TRAF2: variants seen among roughly 807,000 people sequenced by gnomAD.
The protein encoded by TRAF2 is TNF receptor-associated factor 2.
Under a neutral mutation model 55.6 loss-of-function variants are expected in TRAF2, and 6 were observed. That is an observed-to-expected ratio of 0.11 (90% CI 0.06 to 0.21). TRAF2 has a LOEUF of 0.21. TRAF2 is among the 10% of genes least tolerant of loss of function. The probability of loss-of-function intolerance (pLI) is 1.00; values close to 1 mark genes in which losing one functional copy is unlikely to be tolerated. For synonymous variants in TRAF2, 329 were observed against 276.3 expected (o/e 1.19, Z -1.89); for missense variants, 561 against 684.5 (o/e 0.82, Z 2.01).
In TRAF2 at chr9:136,926,076, C is replaced by A; in HGVS notation, c.*175C>A. The A allele has an allele frequency of 1.2e-6, 1 of 830,216 alleles. No individual in the cohort carries two copies. The highest frequency in any genetic ancestry group is 2.1e-6 in the Non-Finnish European group (1 of 483,628). 51.4% of individuals were successfully genotyped at this position (830,216 alleles called of 1,614,324 possible). A position where few individuals can be genotyped will look rare whatever the true frequency, so the allele number is the denominator to read the frequency against. On this transcript the variant is annotated 3_prime_UTR_variant, in exon 11 of 11. Coordinates refer to ENST00000247668, the MANE Select transcript of TRAF2 (RefSeq NM_021138.4). ...TGTCACGGGGGAAGGAGCCACCAGC[C>A]AGTCCTCAGATTTCAGAGACTGCGG...
At chr9:136,919,280 G>A (rs543140971) in intron 7 of TRAF2, among the ~76,000 whole-genome samples, 2 of 142,084 alleles carry the variant, frequency 1.4e-5, no homozygotes, top group East Asian at 4.2e-4. Context: ...AGGCTTCTCT[G>A]GAACTTGTGG....
chr9:136,925,836 A>G lies in TRAF2; in HGVS notation c.1441A>G (p.Lys481Glu), dbSNP rs1333654215. ...CTGCCCCGTCTCCAAGATGGAGGCA[A>G]AGAATTCCTACGTGCGGGACGATGC... is the stretch of plus-strand genomic sequence containing the variant. Reference protein sequence around the residue: ...LFCPVSKMEAKNSYVRDDAIF... With the variant: ...LFCPVSKMEAENSYVRDDAIF... The change falls in exon 11 of 11, where the codon AAG becomes GAG. Residue 481 changes from lysine to glutamate, a missense_variant. Lys to Glu is a moderately conservative substitution (Grantham distance 56). Coordinates refer to ENST00000247668, the MANE Select transcript of TRAF2 (RefSeq NM_021138.4). 1 of 1,614,246 alleles carries G rather than the reference A, an allele frequency of 6.2e-7. No individual in the cohort carries two copies. The highest frequency in any genetic ancestry group is 8.5e-7 in the Non-Finnish European group (1 of 1,180,038).
At position 136,895,104 on chromosome 9, in the gene TRAF2, A is replaced by C. The variant is rs118185801; in HGVS notation, c.-28-3609A>C. ...GCAACCGGGGCAGAGGTGAGAGGAGAAGGGCCTCAGCAGTGTTCTGGCCTT... is the reference window on the plus strand; with the variant it reads ...GCAACCGGGGCAGAGGTGAGAGGAGCAGGGCCTCAGCAGTGTTCTGGCCTT... On this transcript the variant is annotated intron_variant, in intron 1 of 10. Coordinates refer to ENST00000247668, the MANE Select transcript of TRAF2 (RefSeq NM_021138.4). Among the ~76,000 whole-genome samples, 265 of 152,220 alleles carry C rather than the reference A, an allele frequency of 1.7e-3. 13 individuals are homozygous for C. In the East Asian group the frequency reaches 0.045, roughly 26 times the overall value.
At chr9:136,920,690 A>G (rs1360870339) in intron 8 of TRAF2, among the ~76,000 whole-genome samples, 175 bp downstream of exon 8, 1 of 152,146 alleles carries the variant, frequency 6.6e-6, no homozygotes, top group African/African-American at 2.4e-5. Flanking sequence ...TTCATTTCTG[A>G]GTCCTGTCAT....
upstream of TRAF2, among the ~76,000 whole-genome samples, chr9:136,883,942 A>G (rs1430908061): frequency 1.3e-5 from 2 of 150,032 alleles, no homozygotes; most frequent in Non-Finnish European, 3.0e-5. Context: ...CTGCCTACTC[A>G]GTCTCCTGAG....
intron 7 of TRAF2, among the ~76,000 whole-genome samples, chr9:136,917,905 C>T (rs951886144): frequency 4.6e-5 from 7 of 152,086 alleles, no homozygotes; most frequent in East Asian, 1.9e-4. Context: ...CTGCCGCCAC[C>T]GTGCTCCTTG....
chr9:136,893,114 A>G (rs567916932), intron 1 of TRAF2, among the ~76,000 whole-genome samples: 2 of 152,224 alleles, frequency 1.3e-5, no homozygotes, highest in East Asian at 3.9e-4. Context: ...GCTGGTATGC[A>G]TCTGTGAGCT....
chr9:136,917,958 G>A (rs541375177), intron 7 of TRAF2, among the ~76,000 whole-genome samples: 20 of 152,134 alleles, frequency 1.3e-4, no homozygotes, highest in African/African-American at 3.6e-4. Flanking sequence ...AGAACACAGC[G>A]TGAGTCTGTG....
At chr9:136,924,953 G>A (rs986733653) in intron 10 of TRAF2, among the ~76,000 whole-genome samples, 2 of 152,206 alleles carry the variant, frequency 1.3e-5, no homozygotes, top group Non-Finnish European at 2.9e-5. Context: ...TGGCCAGGCT[G>A]GTCTTGATCT....
At chr9:136,917,442 G>A (rs1453464644) in intron 7 of TRAF2, among the ~76,000 whole-genome samples, 1 of 152,192 alleles carries the variant, frequency 6.6e-6, no homozygotes, top group African/African-American at 2.4e-5. Flanking sequence ...CCCCTCTGTC[G>A]CCAGCACCTC....
intron 10 of TRAF2, among the ~76,000 whole-genome samples, chr9:136,925,251 G>T (rs1850500653): frequency 6.6e-6 from 1 of 152,230 alleles, no homozygotes; most frequent in Non-Finnish European, 1.5e-5. Flanking sequence ...CAGGTTCACA[G>T]TCCTGACAGA....
rs17250386 is a variant in TRAF2 at position 136,908,818 on chromosome 9, C to T, written c.528+587C>T. The stretch of plus-strand genomic sequence containing the variant: ...CCAGGAGGCGGAGCTTGCAGTGAGC[C>T]GAGATTGCGCCACTGCACTCCAGCC... On this transcript the variant is annotated intron_variant, in intron 5 of 10. Transcript: ENST00000247668. 1.5e-4 allele frequency among the ~76,000 whole-genome samples: 21 copies of T among 143,820 alleles called. No homozygotes were observed. In the East Asian group the frequency reaches 2.3e-3, roughly 16 times the overall value. The allele number at this position is 143,820 out of a possible 152,430, so 94.4% of individuals were successfully genotyped here. A position where few individuals can be genotyped will look rare whatever the true frequency, so the allele number is the denominator to read the frequency against.
intron 1 of TRAF2, among the ~76,000 whole-genome samples, chr9:136,887,932 C>A (rs1360582057): frequency 1.3e-5 from 2 of 151,900 alleles, no homozygotes; most frequent in Non-Finnish European, 2.9e-5. Context: ...TGCAGTGGCT[C>A]GATCTCGGCT....
chr9:136,885,284 G>T (rs1324100195), upstream of TRAF2, among the ~76,000 whole-genome samples: 1 of 152,194 alleles, frequency 6.6e-6, no homozygotes, highest in African/African-American at 2.4e-5. Flanking sequence ...ATGCTTGGAG[G>T]AGACTTACCT....
rs988572547 is a variant in TRAF2, at chr9:136,900,308, C to T, written c.268-114C>T. 7 of 649,290 alleles carry T rather than the reference C, an allele frequency of 1.1e-5. No homozygotes were observed. In the Admixed American group the frequency reaches 1.2e-4, roughly 11 times the overall value. The allele number at this position is 649,290 out of a possible 1,614,324, so 40.2% of individuals were successfully genotyped here. On this transcript the variant is annotated intron_variant, in intron 3 of 10. Coordinates refer to ENST00000247668, the MANE Select transcript of TRAF2 (RefSeq NM_021138.4). ...GAGTCATCCTCTGCTCCTGGAGTGG[C>T]CTGGAAAGGCGATGTGACGCAGTAT...
rs538202681 is a variant in TRAF2, at chr9:136,921,853, C to T, written c.1138+638C>T. Among the ~76,000 whole-genome samples, 11 of 152,330 alleles carry T rather than the reference C, an allele frequency of 7.2e-5. No individual in the cohort carries two copies. In the East Asian group the frequency reaches 1.9e-3, roughly 27 times the overall value. Reference sequence around the variant, plus strand: ...TGGGCGCTGCAGTCCAGAGGCGGCCCCCCTGCTGTCCCTCGAGGCCCTGGC... The same window carrying T: ...TGGGCGCTGCAGTCCAGAGGCGGCCTCCCTGCTGTCCCTCGAGGCCCTGGC... On this transcript the variant is annotated intron_variant, in intron 9 of 10. Coordinates refer to ENST00000247668, the MANE Select transcript of TRAF2 (RefSeq NM_021138.4).
At chr9:136,918,463 T>C (rs1850300098) in intron 7 of TRAF2, among the ~76,000 whole-genome samples, 1 of 151,702 alleles carries the variant, frequency 6.6e-6, no homozygotes, top group South Asian at 2.1e-4. Context: ...CTAATTTTTG[T>C]ATTTTTAGTA....
intron 4 of TRAF2, among the ~76,000 whole-genome samples, chr9:136,903,427 A>G (rs1849867694): frequency 6.6e-6 from 1 of 152,206 alleles, no homozygotes; most frequent in African/African-American, 2.4e-5. Flanking sequence ...CGGAAAGGCC[A>G]GGAAAAGCCA....
At chr9:136,919,295 C>CT (rs34390498) in intron 7 of TRAF2, among the ~76,000 whole-genome samples, 4,914 of 90,178 alleles carry the variant, frequency 0.054, 406 homozygotes, top group African/African-American at 0.078. Flanking sequence ...TTGTGGGTGG[C>CT]TTTTTTTTTT....
Sources: allele counts gnomAD v4.1 joint callset (sites outside exome capture counted in the v4.1 genomes callset), GRCh38; gene constraint gnomAD v4.1.1; transcripts MANE v1.5; gene names NCBI Gene and HGNC (gene_info 2026-07-23, HGNC 2026-07-21).